PRSS55: variants seen among roughly 807,000 people sequenced by gnomAD.
PRSS55 encodes the protein serine protease 55.
In PRSS55, 41 loss-of-function variants were observed where a neutral mutation model predicts 23.6. That is an observed-to-expected ratio of 1.74 (90% CI 1.35 to 2.26). The LOEUF is 2.26. Ranked by LOEUF, PRSS55 falls within the 30% of genes most tolerant of loss-of-function variation. The pLI is 0.00. For missense variants in PRSS55, 669 were observed against 439.1 expected (o/e 1.52, Z -4.68); for synonymous variants, 262 against 175.5 (o/e 1.49, Z -3.90).
chr8:10,544,944 T>C, intron 4 of PRSS55: 1 of 874,286 alleles, frequency 1.1e-6, no homozygotes, highest in Non-Finnish European at 1.4e-6. Context: ...AGTATGTATT[T>C]ATAGAATTTT....
At chr8:10,553,914 A>G in intron 4 of PRSS55, 2 of 1,436,640 alleles carry the variant, frequency 1.4e-6, no homozygotes, top group Non-Finnish European at 1.9e-6. Context: ...AAATTTTTTT[A>G]ATTTGTCAAT....
At chr8:10,528,867 C>G (rs1409252505) in intron 1 of PRSS55, among the ~76,000 whole-genome samples, 2 of 152,198 alleles carry the variant, frequency 1.3e-5, no homozygotes, top group African/African-American at 4.8e-5. Flanking sequence ...CTTCTAGAAA[C>G]TTCTCTGGGC....
At chr8:10,530,012 A>G (rs551550628) in intron 2 of PRSS55, among the ~76,000 whole-genome samples, 2 of 152,314 alleles carry the variant, frequency 1.3e-5, no homozygotes, top group East Asian at 3.9e-4. Context: ...AGGGCATTCA[A>G]GTCCATCTAG....
chr8:10,549,162 A>G (rs747582887), intron 4 of PRSS55, among the ~76,000 whole-genome samples: 2 of 152,204 alleles, frequency 1.3e-5, no homozygotes, highest in Non-Finnish European at 2.9e-5. Flanking sequence ...TCACCTCATC[A>G]TAATAAGTGC....
At chr8:10,536,937 G>T (rs1056013187) in intron 4 of PRSS55, among the ~76,000 whole-genome samples, 5 of 152,280 alleles carry the variant, frequency 3.3e-5, no homozygotes, top group African/African-American at 9.6e-5. Context: ...TACTACCTGG[G>T]TGATTAAATC....
chr8:10,531,656 TCAGTGGAGTCTCA>T, intron 3 of PRSS55, 111 bp downstream of exon 3: 2 of 1,455,072 alleles, frequency 1.4e-6, no homozygotes, highest in Non-Finnish European at 9.2e-7. Flanking sequence ...AGATTCCCGC[TCAGTGGAGTCTCA>T]CAGTGCCCAA....
downstream of PRSS55, among the ~76,000 whole-genome samples, chr8:10,542,876 A>T (rs1464944412): frequency 1.3e-3 from 5 of 3,758 alleles, no homozygotes; most frequent in African/African-American, 1.6e-3. Flanking sequence ...TTTGTCTCAA[A>T]AAAAAAAAAA....
chr8:10,532,352 G>C (rs1281425411), intron 3 of PRSS55, among the ~76,000 whole-genome samples: 1 of 152,136 alleles, frequency 6.6e-6, no homozygotes, highest in African/African-American at 2.4e-5. Context: ...ATCTCTTTGT[G>C]GTCAGAGTTA....
chr8:10,553,491 T>A (rs1320971003), intron 4 of PRSS55, among the ~76,000 whole-genome samples: 1 of 152,172 alleles, frequency 6.6e-6, no homozygotes, highest in East Asian at 1.9e-4. Context: ...ATTCTGTCAT[T>A]GACAATGACA....
At chr8:10,532,500 T>C (rs1391160681) in intron 3 of PRSS55, among the ~76,000 whole-genome samples, 1 of 151,934 alleles carries the variant, frequency 6.6e-6, no homozygotes, top group East Asian at 1.9e-4. Flanking sequence ...TCACCGGGAG[T>C]GCAAACCCAC....
downstream of PRSS55, among the ~76,000 whole-genome samples, chr8:10,540,019 C>T (rs753042909): frequency 4.6e-5 from 7 of 152,194 alleles, no homozygotes; most frequent in Non-Finnish European, 1.0e-4. Context: ...GATGGCGCTC[C>T]TCTCTTGCTC....
At chr8:10,542,918 T>C (rs183107056), downstream of PRSS55, among the ~76,000 whole-genome samples, 39 of 146,592 alleles carry the variant, frequency 2.7e-4, 1 homozygote, top group African/African-American at 8.6e-4. Flanking sequence ...TGGAGGGATA[T>C]GAAATCAAGA....
At chr8:10,532,843 G>A in intron 3 of PRSS55, 63 bp from the exon 4 acceptor site, 3 of 1,602,720 alleles carry the variant, frequency 1.9e-6, no homozygotes, top group South Asian at 1.1e-5. Flanking sequence ...ACAGTCAGCT[G>A]CATCACGAAC....
At chr8:10,534,354 C>T (rs1683970184) in intron 4 of PRSS55, among the ~76,000 whole-genome samples, 1 of 152,140 alleles carries the variant, frequency 6.6e-6, no homozygotes. Context: ...ACATCTTGAC[C>T]AGAAAACATT....
intron 4 of PRSS55, among the ~76,000 whole-genome samples, chr8:10,533,809 G>A (rs1812357715): frequency 6.6e-6 from 1 of 152,148 alleles, no homozygotes; most frequent in African/African-American, 2.4e-5. Flanking sequence ...AAATGAAGAT[G>A]ATAAATATTC....
In PRSS55 at chr8:10,533,019, T is replaced by C; in HGVS notation, c.712T>C (p.Tyr238His). 6.2e-7 allele frequency: 1 copy of C among 1,614,224 alleles called. No homozygotes were observed. Among genetic ancestry groups the C allele is most frequent in the African/African-American group, 1.3e-5 (1 of 75,056 alleles). The change falls in exon 4 of 5, where the codon TAC (tyrosine) becomes CAC (histidine). Residue 238 changes from tyrosine to histidine, a missense_variant. Tyr to His is a moderately conservative substitution (Grantham distance 83). Transcript: ENST00000328655. ...KLTKNMLCAG[Y>H]KNESYDACKG... is the part of the protein sequence containing the mutation. ...TACCAAAAATATGCTGTGTGCCGGA[T>C]ACAAGAATGAGAGCTATGATGCCTG...
chr8:10,541,808 G>A (rs1330170409), downstream of PRSS55, among the ~76,000 whole-genome samples: 1 of 152,104 alleles, frequency 6.6e-6, no homozygotes, highest in African/African-American at 2.4e-5. Flanking sequence ...GCCCAGGCTG[G>A]AGTGCAGTGC....
At chr8:10,529,283 G>A (rs1812155350) in intron 1 of PRSS55, 1 of 590,346 alleles carries the variant, frequency 1.7e-6, no homozygotes, top group South Asian at 2.0e-5. Flanking sequence ...CAGAGCCAAT[G>A]CTTCTGACTC....
intron 4 of PRSS55, 113 bp from the exon 5 acceptor site, chr8:10,538,363 G>T (rs1812528062): frequency 1.2e-6 from 1 of 815,812 alleles, no homozygotes. Context: ...GATGGGGTGG[G>T]TTGGCAGCCA....
Sources: allele counts gnomAD v4.1 joint callset (sites outside exome capture counted in the v4.1 genomes callset), GRCh38; gene constraint gnomAD v4.1.1; transcripts MANE v1.5; gene names NCBI Gene and HGNC (gene_info 2026-07-23, HGNC 2026-07-21).